Variants in RAPGEF1 observed in about 807,000 individuals in gnomAD.
The protein encoded by RAPGEF1 is Rap guanine nucleotide exchange factor 1.
RAPGEF1 carries 33 observed loss-of-function variants against 143.3 expected under a neutral mutation model. The observed-to-expected ratio is 0.23, with a 90% confidence interval of 0.17 to 0.31. The LOEUF is 0.31. RAPGEF1 is among the 10% of genes least tolerant of loss of function. RAPGEF1 has a pLI of 1.00. For synonymous variants in RAPGEF1, 629 were observed against 676.5 expected, an observed-to-expected ratio of 0.93 and a Z score of 1.09; for missense variants, 1,199 against 1,645.4, an observed-to-expected ratio of 0.73 and a Z score of 4.69.
In RAPGEF1 at chr9:131,650,167, A is replaced by T. The variant is rs780666444; in HGVS notation, c.277T>A (p.Ser93Thr). Residue 93 changes from serine to threonine, a missense_variant, in exon 3 of 27, where the codon TCC becomes ACC. This residue lies in a region of RAPGEF1 where 613 missense variants were observed against 710.9 expected (regional missense o/e 0.86). Coordinates refer to ENST00000683357, the MANE Select transcript of RAPGEF1 (RefSeq NM_001377935.1). The surrounding 1 kb of genome is among the most constrained non-coding windows in gnomAD (Gnocchi z 4.7). Reference protein sequence around the residue: ...DLEQQAVEFMSTSAVASRSQR... With the variant: ...DLEQQAVEFMTTSAVASRSQR... ...GACCTGGAAGCCACAGCACTGGTGG[A>T]CATAAATTCTACTGCCTGCTGCTCC... 6.2e-7 allele frequency: 1 copy of T among 1,613,932 alleles called. No homozygotes were observed. Among genetic ancestry groups the T allele is most frequent in the East Asian group, 2.2e-5 (1 of 44,888 alleles).
At position 131,626,678 on chromosome 9, in the gene RAPGEF1, C is replaced by A. The variant is rs569424955; in HGVS notation, c.1202-256G>T. 5.2e-4 allele frequency among the ~76,000 whole-genome samples: 79 copies of A among 152,188 alleles called. 1 individual carries two copies. The highest frequency in any genetic ancestry group is 4.2e-3 in the Admixed American group (64 of 15,300). ...TTAAAAAAAAAATACACAACCATTA[C>A]GGAAACTGTGGCAAATTACATCAAG... is the stretch of plus-strand genomic sequence containing the variant. On this transcript the variant is annotated intron_variant, in intron 9 of 26. Coordinates refer to ENST00000683357, the MANE Select transcript of RAPGEF1 (RefSeq NM_001377935.1).
At chr9:131,627,213 C>CAAAAAAAAAAAAAAAAAA (rs10690802) in intron 9 of RAPGEF1, among the ~76,000 whole-genome samples, 12 of 97,396 alleles carry the variant, frequency 1.2e-4, no homozygotes, top group Admixed American at 5.7e-4. Context: ...GGCTCTGTCT[C>CAAAAAAAAAAAAAAAAAA]AAAAAAAAAA....
chr9:131,594,096 G>A (rs1034405595), intron 17 of RAPGEF1, among the ~76,000 whole-genome samples: 1 of 152,100 alleles, frequency 6.6e-6, no homozygotes, highest in Non-Finnish European at 1.5e-5. Context: ...TGGCGGGGTC[G>A]GCGCCCATGT....
Position 131,739,788 on chromosome 9 carries a change from C to T in RAPGEF1, c.43G>A (p.Gly15Ser). The change falls in exon 1 of 27, where the codon GGC becomes AGC. Residue 15 changes from glycine (G) to serine (S), a missense_variant. Coordinates refer to ENST00000683357, the MANE Select transcript of RAPGEF1 (RefSeq NM_001377935.1). ...LGLRRSPEMSGKIEKADSQRS... is the reference protein window; with the variant it reads ...LGLRRSPEMSSKIEKADSQRS... ...GCCTCACCTGCTTTCTCGATCTTGC[C>T]GGACATTTCCGGGCTGCGCCGGAGG... The T allele has an allele frequency of 4.3e-6, 5 of 1,170,692 alleles. No homozygotes were observed. The South Asian group carries it at 8.8e-5, about 21-fold the overall frequency. The allele number at this position is 1,170,692 out of a possible 1,614,324, so 72.5% of individuals were successfully genotyped here. A position where few individuals can be genotyped will look rare whatever the true frequency, so the allele number is the denominator to read the frequency against.
At chr9:131,595,667 C>T (rs906480919) in intron 17 of RAPGEF1, among the ~76,000 whole-genome samples, 3 of 141,430 alleles carry the variant, frequency 2.1e-5, no homozygotes, top group Non-Finnish European at 4.6e-5. Flanking sequence ...TCACTAGCAC[C>T]TCCTTTCCAG....
chr9:131,629,650 G>A (rs1029742144), intron 6 of RAPGEF1, among the ~76,000 whole-genome samples: 9 of 151,994 alleles, frequency 5.9e-5, no homozygotes, highest in Non-Finnish European at 1.2e-4. Context: ...AATTAGCTGG[G>A]CATGGTGGCG....
chr9:131,612,239 C>T (rs1958130160), intron 12 of RAPGEF1, among the ~76,000 whole-genome samples: 1 of 152,170 alleles, frequency 6.6e-6, no homozygotes, highest in Non-Finnish European at 1.5e-5. Flanking sequence ...GTAATTTTCC[C>T]CACCACCCTG....
intron 1 of RAPGEF1, among the ~76,000 whole-genome samples, chr9:131,661,745 C>T (rs1243419215): frequency 8.5e-5 from 13 of 152,154 alleles, no homozygotes; most frequent in Admixed American, 8.5e-4. Flanking sequence ...AATGTATTTA[C>T]CCATGAATAT....
At chr9:131,634,107 G>A (rs995402092) in intron 5 of RAPGEF1, among the ~76,000 whole-genome samples, 20 of 152,074 alleles carry the variant, frequency 1.3e-4, no homozygotes, top group African/African-American at 4.6e-4. Flanking sequence ...ACAAAAATTA[G>A]TTGGACGTGG....
At position 131,588,106 on chromosome 9, in the gene RAPGEF1, G is replaced by T. The variant is rs897892970; in HGVS notation, c.3054-80C>A. ...GGCTGAGCAGGCCCGGGCTGCGGGC[G>T]TCAGAGCAGGAGAGCCTCTCTGCCC... On this transcript the variant is annotated intron_variant, in intron 20 of 26. Transcript: ENST00000683357. 6.6e-6 allele frequency: 8 copies of T among 1,207,502 alleles called. No individual in the cohort carries two copies. In the East Asian group the frequency reaches 1.5e-4, roughly 23 times the overall value. The allele number at this position is 1,207,502 out of a possible 1,614,324, so 74.8% of individuals were successfully genotyped here. A position where few individuals can be genotyped will look rare whatever the true frequency, so the allele number is the denominator to read the frequency against.
At chr9:131,678,563 A>G (rs1832634729) in intron 1 of RAPGEF1, among the ~76,000 whole-genome samples, 1 of 152,240 alleles carries the variant, frequency 6.6e-6, no homozygotes, top group South Asian at 2.1e-4. Context: ...TGTAACCCTC[A>G]AGAGCTTAAC....
intron 1 of RAPGEF1, among the ~76,000 whole-genome samples, chr9:131,672,743 T>C (rs1164815671): frequency 6.6e-6 from 1 of 152,158 alleles, no homozygotes; most frequent in African/African-American, 2.4e-5. Flanking sequence ...GAACATTCCT[T>C]AGGATAAGCC....
chr9:131,707,618 T>C (rs1181489120), intron 1 of RAPGEF1, among the ~76,000 whole-genome samples: 1 of 152,116 alleles, frequency 6.6e-6, no homozygotes, highest in Non-Finnish European at 1.5e-5. Flanking sequence ...TTTTTGTATT[T>C]TTAGTAGAGA....
intron 1 of RAPGEF1, among the ~76,000 whole-genome samples, chr9:131,657,339 CAT>C (rs148795927): frequency 8.7e-4 from 132 of 152,350 alleles, no homozygotes; most frequent in African/African-American, 3.0e-3. Flanking sequence ...AGTGTTCCCA[CAT>C]GACTGCTGCG....
chr9:131,579,712 C>A, intron 26 of RAPGEF1, 65 bp from the exon 27 acceptor site: 2 of 1,560,070 alleles, frequency 1.3e-6, no homozygotes, highest in Non-Finnish European at 1.7e-6. Context: ...GATGGCGCCA[C>A]CCTCCTGGAA....
In RAPGEF1 at chr9:131,621,535, C is replaced by A. The variant is rs1033470687; in HGVS notation, c.1905+261G>T. On this transcript the variant is annotated intron_variant, in intron 11 of 26. Transcript: ENST00000683357. The surrounding 1 kb of genome is among the most constrained non-coding windows in gnomAD (Gnocchi z 4.5). ...GCAAACACCCTGAGTACAAGCCTGT[C>A]CCTGCTGCGCGGGGCTGCTGTGGAA... is the stretch of plus-strand genomic sequence containing the variant. Among the ~76,000 whole-genome samples, 1 of 152,228 alleles carries A rather than the reference C, an allele frequency of 6.6e-6. No individual in the cohort carries two copies. The highest frequency in any genetic ancestry group is 2.4e-5 in the African/African-American group (1 of 41,458).
chr9:131,600,759 T>A (rs1956133269), intron 15 of RAPGEF1, among the ~76,000 whole-genome samples: 1 of 152,118 alleles, frequency 6.6e-6, no homozygotes, highest in African/African-American at 2.4e-5. Context: ...AAGTTGCAGG[T>A]GGGAGTGCCC....
intron 20 of RAPGEF1, 76 bp from the exon 21 acceptor site, chr9:131,588,102 G>A (rs1006217766): frequency 1.0e-5 from 13 of 1,269,522 alleles, no homozygotes; most frequent in African/African-American, 4.4e-5. Flanking sequence ...CCCGGGCTGC[G>A]GGCGTCAGAG....
intron 1 of RAPGEF1, among the ~76,000 whole-genome samples, chr9:131,715,598 G>A (rs1247324929): frequency 1.3e-5 from 2 of 152,078 alleles, no homozygotes; most frequent in African/African-American, 4.8e-5. Flanking sequence ...GGTGGCTCAC[G>A]TCTGTACTTA....
Sources: allele counts gnomAD v4.1 joint callset (sites outside exome capture counted in the v4.1 genomes callset), GRCh38; gene constraint gnomAD v4.1.1; regional missense constraint gnomAD v4.1.1; non-coding constraint Gnocchi (gnomAD v3.1); transcripts MANE v1.5; gene names NCBI Gene and HGNC (gene_info 2026-07-23, HGNC 2026-07-21).